The following SLIT2 variants were observed in gnomAD, a reference collection of about 807,000 sequenced individuals.
SLIT2 encodes the protein slit homolog 2 protein.
Under a neutral mutation model 185.7 loss-of-function variants are expected in SLIT2, and 41 were observed. The ratio of observed to expected loss-of-function variants is 0.22; its 90% CI spans 0.17 to 0.29. The LOEUF (loss-of-function observed/expected upper bound fraction) is 0.29. Among genes scored for constraint, SLIT2 ranks in the 10% least tolerant of loss-of-function variants. The pLI is 1.00. For synonymous variants in SLIT2, 693 were observed against 680.2 expected (o/e 1.02, Z -0.29); for missense variants, 1,571 against 1,909.0 (o/e 0.82, Z 3.30).
chr4:20,333,941 C>T (rs1720275476), intron 4 of SLIT2, among the ~76,000 whole-genome samples: 1 of 152,066 alleles, frequency 6.6e-6, no homozygotes, highest in Non-Finnish European at 1.5e-5. Flanking sequence ...AAATAGGTAC[C>T]TACTGCAAAG....
chr4:20,551,190 T>G (rs560806035), intron 25 of SLIT2, among the ~76,000 whole-genome samples: 46 of 152,336 alleles, frequency 3.0e-4, no homozygotes, highest in African/African-American at 1.1e-3. Flanking sequence ...CTCTCATTAT[T>G]ATCTGATTCT....
At chr4:20,435,263 A>G (rs948491614) in intron 4 of SLIT2, among the ~76,000 whole-genome samples, 2 of 152,134 alleles carry the variant, frequency 1.3e-5, no homozygotes, top group African/African-American at 2.4e-5. Context: ...TCTAGTTGGT[A>G]TGACAACCAG....
rs1340057489 is a variant in SLIT2 at position 20,618,634 on chromosome 4, C to G, written c.4349-134C>G. The G allele has an allele frequency of 5.9e-6, 5 of 847,418 alleles. No individual in the cohort carries two copies. In the African/African-American group the frequency reaches 8.4e-5, roughly 14 times the overall value. 52.5% of individuals were successfully genotyped at this position (847,418 alleles called of 1,614,324 possible). A position where few individuals can be genotyped will look rare whatever the true frequency, so the allele number is the denominator to read the frequency against. Reference sequence around the variant, plus strand: ...TTTTTCAAAGAATAGGAGGCCGTGCCACCAGCTAATAATATGTAAAGCAAG... The same window carrying G: ...TTTTTCAAAGAATAGGAGGCCGTGCGACCAGCTAATAATATGTAAAGCAAG... On this transcript the variant is annotated intron_variant, in intron 36 of 36. Coordinates refer to ENST00000504154, the MANE Select transcript of SLIT2 (RefSeq NM_004787.4).
chr4:20,260,418 T>C (rs1712328864), intron 3 of SLIT2, among the ~76,000 whole-genome samples: 1 of 151,882 alleles, frequency 6.6e-6, no homozygotes, highest in Non-Finnish European at 1.5e-5. Flanking sequence ...CCCATTTATA[T>C]ACTGAATAGT....
chr4:20,563,598 T>C (rs978744268), intron 26 of SLIT2, among the ~76,000 whole-genome samples: 10 of 151,738 alleles, frequency 6.6e-5, no homozygotes, highest in Non-Finnish European at 1.5e-4. Flanking sequence ...GGTTTCCTAA[T>C]AGTCCCTGTA....
At chr4:20,539,328 T>A (rs1287765948) in intron 18 of SLIT2, 113 bp from the exon 19 acceptor site, 6 of 888,426 alleles carry the variant, frequency 6.8e-6, no homozygotes, top group Non-Finnish European at 8.6e-6. Flanking sequence ...AGAACATTTT[T>A]AAAAAGTAGT....
intron 6 of SLIT2, among the ~76,000 whole-genome samples, chr4:20,481,706 C>A (rs1178612686): frequency 2.6e-5 from 4 of 151,966 alleles, no homozygotes; most frequent in Admixed American, 1.3e-4. Flanking sequence ...GAATTCATTA[C>A]TTTATAAATC....
At chr4:20,612,350 A>G (rs995544878) in intron 34 of SLIT2, among the ~76,000 whole-genome samples, 13 of 151,976 alleles carry the variant, frequency 8.6e-5, no homozygotes, top group African/African-American at 2.9e-4. Context: ...AAATTTCAAA[A>G]TGAAAAGTAT....
chr4:20,511,593 T>TTTTTTTTTTTTTTTTA (rs560002264), intron 11 of SLIT2, among the ~76,000 whole-genome samples: 5 of 134,310 alleles, frequency 3.7e-5, no homozygotes, highest in Admixed American at 1.5e-4. Context: ...GCTAATTTTT[T>TTTTTTTTTTTTTTTTA]TTTTTTTTTT....
intron 29 of SLIT2, chr4:20,569,251 G>A (rs1189535023): frequency 4.7e-6 from 2 of 425,618 alleles, no homozygotes; most frequent in African/African-American, 4.1e-5. Context: ...AATAAAAGAA[G>A]CTATTTTGCT....
At position 20,619,037 on chromosome 4, in the gene SLIT2, A is replaced by G. The variant is rs778499688; in HGVS notation, c.*28A>G. 5.0e-6 allele frequency: 8 copies of G among 1,600,846 alleles called. No homozygotes were observed. Among genetic ancestry groups the G allele is most frequent in the Non-Finnish European group, 6.8e-6 (8 of 1,169,276 alleles). On this transcript the variant is annotated 3_prime_UTR_variant, in exon 37 of 37. Transcript: ENST00000504154. Reference sequence around the variant, plus strand: ...ACACTCCCGGCAGCTCTGTCTTTGGAAAAGGTTGTATACTTCTTGACCGTG... The same window carrying G: ...ACACTCCCGGCAGCTCTGTCTTTGGGAAAGGTTGTATACTTCTTGACCGTG...
At chr4:20,560,224 C>G (rs916208217) in intron 26 of SLIT2, among the ~76,000 whole-genome samples, 8 of 151,824 alleles carry the variant, frequency 5.3e-5, no homozygotes, top group African/African-American at 1.9e-4. Flanking sequence ...CAAAATATAG[C>G]AGGAAGACAA....
At chr4:20,300,246 A>C (rs1716912555) in intron 4 of SLIT2, among the ~76,000 whole-genome samples, 1 of 152,122 alleles carries the variant, frequency 6.6e-6, no homozygotes, top group Admixed American at 6.5e-5. Flanking sequence ...TACCACAATG[A>C]ATCATTTAGG....
intron 4 of SLIT2, among the ~76,000 whole-genome samples, chr4:20,396,069 AC>A: frequency 6.6e-6 from 1 of 151,976 alleles, no homozygotes; most frequent in Non-Finnish European, 1.5e-5. Flanking sequence ...TCATCCAGGT[AC>A]ATACCTTGGA....
intron 35 of SLIT2, 106 bp downstream of exon 35, chr4:20,617,304 G>A (rs1729741021): frequency 8.1e-7 from 1 of 1,228,478 alleles, no homozygotes; most frequent in South Asian, 1.4e-5. Context: ...GGAGGGGAGG[G>A]GAGGGGAGGT....
chr4:20,324,645 C>G (rs1013171449), intron 4 of SLIT2, among the ~76,000 whole-genome samples: 9 of 152,132 alleles, frequency 5.9e-5, no homozygotes, highest in Non-Finnish European at 1.0e-4. Flanking sequence ...ATTCTCATCA[C>G]AGAATAACTA....
At chr4:20,580,716 T>C (rs1726488086) in intron 29 of SLIT2, among the ~76,000 whole-genome samples, 1 of 152,148 alleles carries the variant, frequency 6.6e-6, no homozygotes. Context: ...TCACAGTGCT[T>C]TGCAGAGAGA....
intron 4 of SLIT2, among the ~76,000 whole-genome samples, chr4:20,305,872 AAATAATAAT>A (rs56164214): frequency 0.29 from 39,418 of 136,298 alleles, 5,960 homozygotes; most frequent in East Asian, 0.48. Flanking sequence ...GACTGTCTCA[AAATAATAAT>A]AATAATAATA....
intron 3 of SLIT2, among the ~76,000 whole-genome samples, chr4:20,259,510 T>A (rs939238036): frequency 5.9e-5 from 9 of 151,728 alleles, no homozygotes; most frequent in African/African-American, 2.2e-4. Flanking sequence ...CTATTTTGGT[T>A]ATATTGTTGT....
Sources: gnomAD v4.1 joint callset for allele counts (sites outside exome capture counted in the v4.1 genomes callset) on GRCh38, gnomAD v4.1.1 for gene constraint, MANE v1.5 for transcripts, NCBI Gene and HGNC (gene_info 2026-07-23, HGNC 2026-07-21) for gene names.